CES5A: variants seen among roughly 807,000 people sequenced by gnomAD.
The protein encoded by CES5A is carboxylesterase 5.
A neutral mutation model predicts 62.9 loss-of-function variants in CES5A; 67 were observed. The observed-to-expected ratio is 1.07, with a 90% confidence interval of 0.88 to 1.31. The LOEUF is 1.31. Ranked by LOEUF, CES5A falls within the 50% of genes most tolerant of loss-of-function variation. CES5A has a pLI of 0.00. For missense variants in CES5A, 748 were observed against 708.5 expected, an observed-to-expected ratio of 1.06 and a Z score of -0.63; for synonymous variants, 296 against 280.8, an observed-to-expected ratio of 1.05 and a Z score of -0.54.
intron 2 of CES5A, chr16:55,944,608 T>C (rs1446442483): frequency 6.5e-6 from 1 of 153,034 alleles, no homozygotes; most frequent in African/African-American, 2.4e-5. Context: ...AGTCTAGATT[T>C]TTCCTTACTG....
At chr16:55,931,488 T>C (rs758231217) in intron 2 of CES5A, among the ~76,000 whole-genome samples, 4 of 152,216 alleles carry the variant, frequency 2.6e-5, no homozygotes, top group Non-Finnish European at 5.9e-5. Context: ...AGGCCTTAGA[T>C]GATCTGGCCC....
Position 55,853,020 on chromosome 16 carries a change from C to A in CES5A, c.1134G>T (p.Pro378=), listed in dbSNP as rs761579284. The change falls in exon 10 of 13, where the codon CCG becomes CCT. Residue 378 remains proline (P), a synonymous_variant. Coordinates refer to ENST00000290567, the MANE Select transcript of CES5A (RefSeq NM_001143685.2). ...LHLIQNILHI[P]PQYLHLVANE... ...TAGCCACAAGGTGCAAATACTGAGG[C>A]GGGATGTGCTGTAAAAATATCGTAG... is the stretch of plus-strand genomic sequence containing the variant. 1 of 1,613,992 alleles carries A rather than the reference C, an allele frequency of 6.2e-7. No homozygotes were observed. The highest frequency in any genetic ancestry group is 8.5e-7 in the Non-Finnish European group (1 of 1,179,968).
At chr16:55,864,214 T>C (rs1287106669) in intron 5 of CES5A, among the ~76,000 whole-genome samples, 3 of 152,198 alleles carry the variant, frequency 2.0e-5, no homozygotes, top group Non-Finnish European at 2.9e-5. Context: ...TTATAATATA[T>C]GAAAAGTTAG....
intron 2 of CES5A, chr16:55,949,679 T>A (rs925683263): frequency 2.7e-5 from 12 of 436,700 alleles, no homozygotes; most frequent in Non-Finnish European, 4.0e-5. Flanking sequence ...ACAAAGGGAA[T>A]TCCCGGTGGA....
At chr16:55,954,741 T>C (rs1323000588) in intron 1 of CES5A, among the ~76,000 whole-genome samples, 1 of 152,100 alleles carries the variant, frequency 6.6e-6, no homozygotes, top group East Asian at 1.9e-4. Flanking sequence ...CTCACAAAAA[T>C]GGACCCACCA....
At chr16:55,931,007 T>G (rs1450871968) in intron 2 of CES5A, among the ~76,000 whole-genome samples, 1 of 152,228 alleles carries the variant, frequency 6.6e-6, no homozygotes, top group Admixed American at 6.5e-5. Context: ...TGGACATTTT[T>G]GGTGGATTAC....
At chr16:55,917,703 C>G (rs775377213) in intron 1 of CES5A, among the ~76,000 whole-genome samples, 79 of 152,096 alleles carry the variant, frequency 5.2e-4, no homozygotes, top group Non-Finnish European at 8.5e-4. Flanking sequence ...GTTCCATCAC[C>G]TCTGCCAAAT....
chr16:55,873,308 G>A (rs1364918590), intron 2 of CES5A, among the ~76,000 whole-genome samples: 4 of 152,098 alleles, frequency 2.6e-5, no homozygotes, highest in Admixed American at 6.5e-5. Context: ...TTCATTCCAC[G>A]GGTATTTATG....
At chr16:55,924,946 CAT>C (rs1319112994) in intron 1 of CES5A, among the ~76,000 whole-genome samples, 1 of 152,034 alleles carries the variant, frequency 6.6e-6, no homozygotes, top group East Asian at 1.9e-4. Context: ...CGCCACAGGA[CAT>C]TGGTCTGGGC....
rs755000857 is a variant in CES5A, at chr16:55,856,458, G to A, written c.1057-13C>T. 3.3e-5 allele frequency: 54 copies of A among 1,613,732 alleles called. No homozygotes were observed. The highest frequency in any genetic ancestry group is 1.0e-4 in the Admixed American group (6 of 60,014). On this transcript the variant is annotated splice_polypyrimidine_tract_variant and intron_variant, in intron 8 of 12. Coordinates refer to ENST00000290567, the MANE Select transcript of CES5A (RefSeq NM_001143685.2). Reference sequence around the variant, plus strand: ...CAGGAGCCTCCTTCTGTGGAGAGAAGCGTGCCCTCTGTAAGCCATCTGGTC... The same window carrying A: ...CAGGAGCCTCCTTCTGTGGAGAGAAACGTGCCCTCTGTAAGCCATCTGGTC...
intron 2 of CES5A, among the ~76,000 whole-genome samples, chr16:55,949,543 T>C (rs1206105106): frequency 3.9e-5 from 6 of 152,248 alleles, no homozygotes; most frequent in Non-Finnish European, 8.8e-5. Context: ...CTGATTTCTT[T>C]ATGTCCATCT....
chr16:55,852,801 C>CG, intron 10 of CES5A, 80 bp downstream of exon 10: 1 of 1,482,730 alleles, frequency 6.7e-7, no homozygotes, highest in Non-Finnish European at 9.1e-7. Flanking sequence ...AGAAGGCAGC[C>CG]GCTCAGTAGA....
chr16:55,862,430 G>T (rs1326253840), intron 6 of CES5A, among the ~76,000 whole-genome samples: 1 of 152,116 alleles, frequency 6.6e-6, no homozygotes, highest in Non-Finnish European at 1.5e-5. Flanking sequence ...AGATTATATT[G>T]CCCTCAAATT....
intron 2 of CES5A, among the ~76,000 whole-genome samples, chr16:55,934,889 C>A (rs1433337467): frequency 2.0e-5 from 3 of 152,162 alleles, no homozygotes; most frequent in Admixed American, 6.5e-5. Flanking sequence ...TGAAAGTTGG[C>A]AGCCTAGAGA....
chr16:55,949,009 G>GCTTACTT (rs2034526770), intron 2 of CES5A, among the ~76,000 whole-genome samples: 1 of 152,106 alleles, frequency 6.6e-6, no homozygotes, highest in Non-Finnish European at 1.5e-5. Context: ...CTTTCTGGCT[G>GCTTACTT]GCCATATGCA....
intron 1 of CES5A, among the ~76,000 whole-genome samples, chr16:55,905,390 G>A (rs1169846870): frequency 1.4e-5 from 2 of 144,680 alleles, no homozygotes; most frequent in African/African-American, 2.6e-5. Context: ...TTTTTGAGAT[G>A]GAGTCTCGCT....
chr16:55,933,352 G>T (rs900263880), intron 2 of CES5A, among the ~76,000 whole-genome samples: 7 of 152,244 alleles, frequency 4.6e-5, no homozygotes, highest in African/African-American at 1.4e-4. Context: ...TTTCGAGGTA[G>T]AAGTGATCTG....
At chr16:55,881,231 A>G (rs2033758299) in intron 1 of CES5A, among the ~76,000 whole-genome samples, 1 of 152,140 alleles carries the variant, frequency 6.6e-6, no homozygotes. Context: ...AGATCACCCA[A>G]TCCACTCATT....
chr16:55,954,380 G>A (rs979493071), intron 1 of CES5A, among the ~76,000 whole-genome samples: 2 of 152,222 alleles, frequency 1.3e-5, no homozygotes, highest in Non-Finnish European at 2.9e-5. Flanking sequence ...GGAAAACAAA[G>A]CCTGGAGACA....
Sources: allele counts gnomAD v4.1 joint callset (sites outside exome capture counted in the v4.1 genomes callset), GRCh38; gene constraint gnomAD v4.1.1; transcripts MANE v1.5; gene names NCBI Gene and HGNC (gene_info 2026-07-23, HGNC 2026-07-21).